The following SYNE2 variants were observed in gnomAD, a reference collection of about 807,000 sequenced individuals.
The protein encoded by SYNE2 is spectrin repeat containing nuclear envelope protein 2, also known as nesprin-2.
In SYNE2, 431 loss-of-function variants were observed where a neutral mutation model predicts 856.3. The observed-to-expected ratio is 0.50, with a 90% CI of 0.47 to 0.55. The LOEUF (loss-of-function observed/expected upper bound fraction) is 0.55. Ranked by LOEUF, SYNE2 falls within the 20% of genes least tolerant of loss-of-function variation. SYNE2 has a pLI of 0.00. For missense variants in SYNE2, 8,129 were observed against 8,023.2 expected (o/e 1.01, Z -0.50); for synonymous variants, 2,923 against 2,872.3 (o/e 1.02, Z -0.56).
intron 1 of SYNE2, among the ~76,000 whole-genome samples, chr14:63,837,991 G>A (rs976316663): frequency 6.9e-6 from 1 of 144,016 alleles, no homozygotes; most frequent in South Asian, 2.3e-4. Context: ...AAATGCAAAT[G>A]TCCAATAAGC....
At chr14:64,171,826 G>A (rs1293774438) in intron 94 of SYNE2, among the ~76,000 whole-genome samples, 2 of 152,166 alleles carry the variant, frequency 1.3e-5, no homozygotes, top group African/African-American at 4.8e-5. Context: ...TTCAGCTGAG[G>A]GAGAGGGCAG....
At chr14:63,880,671 A>ATTT (rs35718279) in intron 1 of SYNE2, among the ~76,000 whole-genome samples, 1 of 130,092 alleles carries the variant, frequency 7.7e-6, no homozygotes, top group Non-Finnish European at 1.7e-5. Context: ...ATTGTCTTTA[A>ATTT]TTTTTTTTTT....
At chr14:63,910,230 A>T (rs1219717800) in intron 2 of SYNE2, among the ~76,000 whole-genome samples, 1 of 152,228 alleles carries the variant, frequency 6.6e-6, no homozygotes, top group African/African-American at 2.4e-5. Context: ...TATGGTAAAG[A>T]TGCCAAAATT....
chr14:63,806,214 C>G (rs939167055), intron 1 of SYNE2, among the ~76,000 whole-genome samples: 11 of 152,064 alleles, frequency 7.2e-5, no homozygotes, highest in African/African-American at 2.7e-4. Context: ...TATTGAAAGC[C>G]TTTTCTGTGT....
At chr14:64,067,809 T>C (rs141427190) in intron 51 of SYNE2, among the ~76,000 whole-genome samples, 1 of 152,384 alleles carries the variant, frequency 6.6e-6, no homozygotes, top group East Asian at 1.9e-4. Flanking sequence ...ATCATCATTT[T>C]ATGCTTCAAT....
Position 64,141,540 on chromosome 14 carries a change from T to A in SYNE2, c.15159+17T>A. On this transcript the variant is annotated intron_variant, in intron 81 of 115. Transcript: ENST00000555002. ...CTTCACCAGGTAAGTCTTTAGAGCC[T>A]CAGCATTTGAATTAGCATTCACTTG... 1 of 1,611,972 alleles carries A rather than the reference T, an allele frequency of 6.2e-7. No homozygotes were observed. Among genetic ancestry groups the A allele is most frequent in the Non-Finnish European group, 8.5e-7 (1 of 1,178,420 alleles).
chr14:64,187,921 G>T (rs996760291), intron 97 of SYNE2, among the ~76,000 whole-genome samples: 1 of 152,162 alleles, frequency 6.6e-6, no homozygotes, highest in Non-Finnish European at 1.5e-5. Context: ...TGCATAATGG[G>T]GTATTGGGTA....
intron 7 of SYNE2, 145 bp downstream of exon 7, chr14:63,950,151 C>T (rs1475043081): frequency 1.0e-6 from 1 of 986,488 alleles, no homozygotes. Context: ...CGTGGAAGCC[C>T]AAGAGCTCAG....
Position 64,090,929 on chromosome 14 carries a change from G to A in SYNE2, c.11857G>A (p.Glu3953Lys). The A allele has an allele frequency of 6.2e-7, 1 of 1,614,114 alleles. No individual in the cohort carries two copies. Among genetic ancestry groups the A allele is most frequent in the Non-Finnish European group, 8.5e-7 (1 of 1,180,010 alleles). Reference protein sequence around the residue: ...TIAEIVSYQVELRLPQTGMKP... With the variant: ...TIAEIVSYQVKLRLPQTGMKP... Reference sequence around the variant, plus strand: ...TGCTGAGATAGTGTCTTACCAAGTGGAACTGAGGTTGCCCCAAACAGGAAT... The same window carrying A: ...TGCTGAGATAGTGTCTTACCAAGTGAAACTGAGGTTGCCCCAAACAGGAAT... Residue 3953 changes from glutamate to lysine, a missense_variant, in exon 60 of 116, where the codon GAA becomes AAA. Physicochemically the swap from Glu to Lys is moderately conservative, Grantham distance 56. Around this residue, in one of 3 missense-constraint regions of SYNE2, gnomAD observed 5,410 missense variants for 5,284.8 expected, o/e 1.02. Transcript: ENST00000555002.
chr14:63,966,894 G>A (rs752149689), intron 10 of SYNE2, among the ~76,000 whole-genome samples: 1 of 150,718 alleles, frequency 6.6e-6, no homozygotes, highest in Non-Finnish European at 1.5e-5. Flanking sequence ...TTTTTGAGAC[G>A]GAGTCTCTGT....
intron 104 of SYNE2, 90 bp from the exon 105 acceptor site, chr14:64,212,721 G>A (rs1397901471): frequency 8.5e-7 from 1 of 1,181,664 alleles, no homozygotes; most frequent in East Asian, 2.4e-5. Flanking sequence ...ATGACATTTG[G>A]ATGCTTTTCT....
intron 45 of SYNE2, among the ~76,000 whole-genome samples, chr14:64,038,578 G>C (rs562079263): frequency 6.6e-6 from 1 of 152,246 alleles, no homozygotes; most frequent in Non-Finnish European, 1.5e-5. Flanking sequence ...ACTAGACTCC[G>C]TCTGCAATCC....
At chr14:63,875,870 C>G (rs2094703942) in intron 1 of SYNE2, among the ~76,000 whole-genome samples, 1 of 152,134 alleles carries the variant, frequency 6.6e-6, no homozygotes, top group Non-Finnish European at 1.5e-5. Flanking sequence ...CCTGCTCTTG[C>G]CCTCTGCAGT....
intron 113 of SYNE2, among the ~76,000 whole-genome samples, chr14:64,223,613 T>TC (rs1229276034): frequency 6.6e-6 from 1 of 152,028 alleles, no homozygotes; most frequent in East Asian, 1.9e-4. Flanking sequence ...TTTTAAACTT[T>TC]TTTTAAAGGA....
intron 45 of SYNE2, among the ~76,000 whole-genome samples, chr14:64,035,475 A>C (rs1037875912): frequency 6.6e-6 from 1 of 151,914 alleles, no homozygotes; most frequent in African/African-American, 2.4e-5. Flanking sequence ...TTCACAATCC[A>C]AAATTTATGC....
chr14:64,138,363 G>T (rs2098112979), intron 79 of SYNE2, among the ~76,000 whole-genome samples: 1 of 151,504 alleles, frequency 6.6e-6, no homozygotes, highest in Admixed American at 6.6e-5. Context: ...TCCCAAGTTG[G>T]TGTGACTACA....
rs114542588 is a variant in SYNE2 at position 63,789,446 on chromosome 14, C to T, written c.-305+27460C>T. On this transcript the variant is annotated intron_variant, in intron 1 of 23. Coordinates refer to the SYNE2 transcript ENST00000674003. ...TGTTTGCTTTTTCATTCTTTGCACG[C>T]CTGAAAATATTCCCATTTCCCATCT... is the stretch of plus-strand genomic sequence containing the variant. Among the ~76,000 whole-genome samples, 760 of 152,212 alleles carry T rather than the reference C, an allele frequency of 5.0e-3. 3 individuals carry two copies. Among genetic ancestry groups the T allele is most frequent in the African/African-American group, 0.018 (731 of 41,508 alleles).
intron 16 of SYNE2, among the ~76,000 whole-genome samples, chr14:63,982,317 C>A (rs1158640273): frequency 5.9e-5 from 9 of 152,000 alleles, no homozygotes; most frequent in South Asian, 4.1e-4. Flanking sequence ...AAGTTCAGGA[C>A]CAGGAGTGAT....
intron 65 of SYNE2, among the ~76,000 whole-genome samples, chr14:64,108,646 C>T (rs2097786363): frequency 6.6e-6 from 1 of 151,952 alleles, no homozygotes; most frequent in Non-Finnish European, 1.5e-5. Flanking sequence ...ATACTGAGTT[C>T]TATTTATGTT....
Sources: allele counts gnomAD v4.1 joint callset (sites outside exome capture counted in the v4.1 genomes callset), GRCh38; gene constraint gnomAD v4.1.1; regional missense constraint gnomAD v4.1.1; transcripts MANE v1.5; gene names NCBI Gene and HGNC (gene_info 2026-07-23, HGNC 2026-07-21).